The following DTX4 variants were observed in gnomAD, a reference collection of about 807,000 sequenced individuals.
DTX4 encodes the protein deltex E3 ubiquitin ligase 4, also known as E3 ubiquitin-protein ligase DTX4.
Under a neutral mutation model 57.6 loss-of-function variants are expected in DTX4, and 28 were observed. That is an observed-to-expected ratio of 0.49 (90% CI 0.36 to 0.67). The LOEUF (loss-of-function observed/expected upper bound fraction) is 0.67. Among genes scored for constraint, DTX4 ranks in the 30% least tolerant of loss-of-function variants. DTX4 has a pLI of 0.00. For missense variants in DTX4, 715 were observed against 836.8 expected (o/e 0.85, Z 1.80); for synonymous variants, 316 against 331.0 (o/e 0.95, Z 0.49).
chr11:59,178,052 A>G (rs1862417211), intron 1 of DTX4, among the ~76,000 whole-genome samples: 1 of 152,220 alleles, frequency 6.6e-6, no homozygotes, highest in Non-Finnish European at 1.5e-5. Context: ...TTTTAAAAGG[A>G]ACAAGAATTT....
At chr11:59,183,443 G>A (rs530578920) in intron 2 of DTX4, among the ~76,000 whole-genome samples, 3 of 152,072 alleles carry the variant, frequency 2.0e-5, no homozygotes, top group African/African-American at 4.8e-5. Context: ...TCATAAAATC[G>A]AAGTGACCCA....
In DTX4 at chr11:59,192,111, G is replaced by A. The variant is rs777456811; in HGVS notation, c.1235G>A (p.Cys412Tyr). The A allele has an allele frequency of 2.5e-6, 4 of 1,613,460 alleles. No homozygotes were observed. Among genetic ancestry groups the A allele is most frequent in the Non-Finnish European group, 3.4e-6 (4 of 1,179,878 alleles). The change falls in exon 6 of 9, where the codon TGT (cysteine) becomes TAT (tyrosine). Residue 412 changes from cysteine to tyrosine, a missense_variant. By Grantham distance (194) the Cys-to-Tyr change is radical (BLOSUM62 -2). Transcript: ENST00000227451. ...RHPPDEDCTI[C>Y]MERLTAPSGY... ...CTCCCTCCCCAGGACTGCACCATCTGTATGGAACGCCTCACGGCCCCCTCA... is the reference window on the plus strand; with the variant it reads ...CTCCCTCCCCAGGACTGCACCATCTATATGGAACGCCTCACGGCCCCCTCA...
intron 2 of DTX4, among the ~76,000 whole-genome samples, chr11:59,183,284 G>T (rs981329505): frequency 3.9e-5 from 6 of 152,194 alleles, no homozygotes; most frequent in African/African-American, 1.4e-4. Flanking sequence ...AGCCAGAGAG[G>T]TGACTCCAAA....
rs1418490507 is a variant in DTX4 at position 59,204,788 on chromosome 11, CAG to C, written c.1742_1743del (p.Glu581ValfsTer4). ...ATCTGGAATGAGGTCCACCACAAGA[CAG>C]AGTTTGGCTCTAATCTCACTGGCCA... On this transcript the variant is annotated frameshift_variant, in exon 9 of 9. Coordinates refer to ENST00000227451, the MANE Select transcript of DTX4 (RefSeq NM_015177.2). LOFTEE classifies it high-confidence loss of function. The C allele has an allele frequency of 6.2e-7, 1 of 1,613,400 alleles. No individual in the cohort carries two copies. The highest frequency in any genetic ancestry group is 1.1e-5 in the South Asian group (1 of 90,878).
At chr11:59,175,012 G>A (rs1048887317) in intron 1 of DTX4, among the ~76,000 whole-genome samples, 5 of 152,160 alleles carry the variant, frequency 3.3e-5, no homozygotes, top group East Asian at 1.9e-4. Context: ...CTGTCAGGGC[G>A]CTTGTCAAAG....
At chr11:59,176,802 T>C (rs759364622) in intron 1 of DTX4, among the ~76,000 whole-genome samples, 1 of 152,248 alleles carries the variant, frequency 6.6e-6, no homozygotes, top group South Asian at 2.1e-4. Context: ...CCTTAGTTTA[T>C]GAACATCCTC....
chr11:59,191,259 T>C (rs12275736), intron 5 of DTX4, 84 bp downstream of exon 5: 27,082 of 1,364,682 alleles, frequency 0.02, 553 homozygotes, highest in East Asian at 0.085. Context: ...CTACAGGATA[T>C]GGCGGGGGCT....
At position 59,199,793 on chromosome 11, in the gene DTX4, CATAGAACTAGGTTTTAGA is replaced by C. The variant is rs1355121321; in HGVS notation, c.1626+26_1626+43del. 2 of 1,548,706 alleles carry C rather than the reference CATAGAACTAGGTTTTAGA, an allele frequency of 1.3e-6. No homozygotes were observed. Among genetic ancestry groups the C allele is most frequent in the Admixed American group, 2.0e-5 (1 of 51,190 alleles). On this transcript the variant is annotated intron_variant, in intron 8 of 8. Transcript: ENST00000227451. The stretch of plus-strand genomic sequence containing the variant: ...AGAAAAGTAAGACCGGAAGTTTCCA[CATAGAACTAGGTTTTAGA>C]ATAGATCGGGCAGTTTACTTCTATG...
In DTX4 at chr11:59,206,925, C is replaced by T. The variant is rs1366814489; in HGVS notation, c.*2016C>T. 4 of 152,596 alleles carry T rather than the reference C, an allele frequency of 2.6e-5. No homozygotes were observed. The highest frequency in any genetic ancestry group is 9.7e-5 in the African/African-American group (4 of 41,450). The allele number at this position is 152,596 out of a possible 1,614,324, so 9.5% of individuals were successfully genotyped here. A position where few individuals can be genotyped will look rare whatever the true frequency, so the allele number is the denominator to read the frequency against. On this transcript the variant is annotated 3_prime_UTR_variant, in exon 9 of 9. Transcript: ENST00000227451. ...GACCAGGAGACTGGTCCCAAGGTTA[C>T]TGCACCACAGGGCAATTTCCTGCCA...
At chr11:59,182,533 CAGA>C in intron 2 of DTX4, 71 bp downstream of exon 2, 7 of 1,460,464 alleles carry the variant, frequency 4.8e-6, no homozygotes, top group South Asian at 2.8e-5. Context: ...TCTTCTGGAT[CAGA>C]AGGAGGGGCT....
intron 1 of DTX4, among the ~76,000 whole-genome samples, chr11:59,181,333 G>C (rs1264430291): frequency 6.6e-6 from 1 of 152,196 alleles, no homozygotes; most frequent in Non-Finnish European, 1.5e-5. Context: ...AAATAAGTGA[G>C]TCATATTTAG....
At chr11:59,185,779 C>T (rs1237908917) in intron 2 of DTX4, among the ~76,000 whole-genome samples, 4 of 152,144 alleles carry the variant, frequency 2.6e-5, no homozygotes, top group African/African-American at 9.7e-5. Flanking sequence ...AGCCCAATGC[C>T]CCTTTTATAC....
intron 8 of DTX4, among the ~76,000 whole-genome samples, chr11:59,204,100 C>T (rs1324952428): frequency 6.6e-6 from 1 of 152,110 alleles, no homozygotes; most frequent in Non-Finnish European, 1.5e-5. Flanking sequence ...CTGCAAGCCC[C>T]AAAACTTTCT....
chr11:59,187,971 G>A (rs938210361), intron 2 of DTX4, among the ~76,000 whole-genome samples: 10 of 152,226 alleles, frequency 6.6e-5, no homozygotes, highest in African/African-American at 2.4e-4. Flanking sequence ...GGAGCTTTGG[G>A]AAATGCAGCT....
chr11:59,196,580 C>T (rs1254758119), intron 7 of DTX4, among the ~76,000 whole-genome samples: 1 of 152,216 alleles, frequency 6.6e-6, no homozygotes, highest in Non-Finnish European at 1.5e-5. Context: ...TCCCAACCCT[C>T]AGGCCACAGA....
Position 59,174,239 on chromosome 11 carries a change from G to T in DTX4, c.211+1433G>T, listed in dbSNP as rs78697419. ...GTTAGAATCTGGAGGGGCTTCAACCGTGTGTGGAGCTGAGGGAGACTGGGA... is the reference window on the plus strand; with the variant it reads ...GTTAGAATCTGGAGGGGCTTCAACCTTGTGTGGAGCTGAGGGAGACTGGGA... On this transcript the variant is annotated intron_variant, in intron 1 of 8. Transcript: ENST00000227451. Among the ~76,000 whole-genome samples, 1,261 of 152,204 alleles carry T rather than the reference G, an allele frequency of 8.3e-3. 56 individuals are homozygous for T. The East Asian group carries it at 0.097, about 12-fold the overall frequency.
At chr11:59,183,968 A>G (rs925236621) in intron 2 of DTX4, among the ~76,000 whole-genome samples, 4 of 152,248 alleles carry the variant, frequency 2.6e-5, no homozygotes, top group Non-Finnish European at 5.9e-5. Flanking sequence ...GTGTTATGCA[A>G]TAGGGGTTGG....
chr11:59,181,052 T>C (rs11229866), intron 1 of DTX4, among the ~76,000 whole-genome samples: 2,296 of 152,244 alleles, frequency 0.015, 53 homozygotes, highest in African/African-American at 0.048. Context: ...GGACAGCATT[T>C]ATAAATGTAT....
Position 59,182,106 on chromosome 11 carries a change from G to T in DTX4, c.579G>T (p.Gln193His), listed in dbSNP as rs773631907. 6.2e-7 allele frequency: 1 copy of T among 1,613,304 alleles called. No homozygotes were observed. Among genetic ancestry groups the T allele is most frequent in the Admixed American group, 1.7e-5 (1 of 59,974 alleles). ...CCATGTCCCCCTGCTCCTGTCCCCA[G>T]TGTGTCTTGGTGATGAGTGTTAAGG... ...SPPMSPCSCPQCVLVMSVKAA... is the reference protein window; with the variant it reads ...SPPMSPCSCPHCVLVMSVKAA... Residue 193 changes from glutamine to histidine, a missense_variant, in exon 2 of 9, where the codon CAG becomes CAT. By Grantham distance (24) the Gln-to-His change is conservative (BLOSUM62 0). Transcript: ENST00000227451.
Sources: gnomAD v4.1 joint callset for allele counts (sites outside exome capture counted in the v4.1 genomes callset) on GRCh38, gnomAD v4.1.1 for gene constraint, MANE v1.5 for transcripts, NCBI Gene and HGNC (gene_info 2026-07-23, HGNC 2026-07-21) for gene names.